GRXCR2: variants seen among roughly 807,000 people sequenced by gnomAD.
GRXCR2 encodes the protein glutaredoxin domain-containing cysteine-rich protein 2.
Under a neutral mutation model 24.8 loss-of-function variants are expected in GRXCR2, and 23 were observed. That is an observed-to-expected ratio of 0.93 (90% confidence interval 0.67 to 1.32). The LOEUF is 1.32. Ranked by LOEUF, GRXCR2 falls within the 40% of genes most tolerant of loss-of-function variation. The pLI, the probability that GRXCR2 is intolerant of heterozygous loss-of-function variation, is 0.00. For missense variants in GRXCR2, 315 were observed against 303.4 expected (o/e 1.04, Z -0.28); for synonymous variants, 130 against 116.1 (o/e 1.12, Z -0.77).
intron 2 of GRXCR2, among the ~76,000 whole-genome samples, chr5:145,910,010 C>T (rs895219416): frequency 3.3e-5 from 5 of 152,148 alleles, no homozygotes; most frequent in Non-Finnish European, 7.4e-5. Flanking sequence ...ACGAGATTCC[C>T]ATTGCTCTTA....
chr5:145,864,671 C>T (rs1306519883), intron 2 of GRXCR2, among the ~76,000 whole-genome samples: 1 of 152,086 alleles, frequency 6.6e-6, no homozygotes, highest in Non-Finnish European at 1.5e-5. Context: ...TGCCTTGCTT[C>T]CCCTTCACCT....
At chr5:145,889,252 C>T (rs764070526) in intron 2 of GRXCR2, among the ~76,000 whole-genome samples, 1 of 135,186 alleles carries the variant, frequency 7.4e-6, no homozygotes, top group Non-Finnish European at 1.6e-5. Flanking sequence ...AAGAATTATG[C>T]AATGGACTCT....
chr5:145,865,970 T>C (rs1404793206), intron 2 of GRXCR2, among the ~76,000 whole-genome samples: 2 of 130,812 alleles, frequency 1.5e-5, no homozygotes, highest in African/African-American at 6.1e-5. Context: ...AAACCCCATC[T>C]CTATTAAAAA....
Position 145,872,782 on chromosome 5 carries a change from C to T in GRXCR2, c.187G>A (p.Gly63Ser). Residue 63 changes from glycine (G) to serine (S), a missense_variant, in exon 1 of 3, where the codon GGT (glycine) becomes AGT (serine). By Grantham distance (56) the Gly-to-Ser change is moderately conservative (BLOSUM62 0). Transcript: ENST00000377976. Reference protein sequence around the residue: ...FLQESLETMDGVYGSGEVPRP... With the variant: ...FLQESLETMDSVYGSGEVPRP... The stretch of plus-strand genomic sequence containing the variant: ...GGGACTTCCCCAGACCCATAAACAC[C>T]ATCCATTGTTTCAAGAGACTCTTGC... The T allele has an allele frequency of 6.2e-7, 1 of 1,614,180 alleles. No individual in the cohort carries two copies. The highest frequency in any genetic ancestry group is 8.5e-7 in the Non-Finnish European group (1 of 1,180,018).
chr5:145,918,676 C>T (rs1486664433), intron 2 of GRXCR2, among the ~76,000 whole-genome samples: 1 of 152,180 alleles, frequency 6.6e-6, no homozygotes, highest in African/African-American at 2.4e-5. Context: ...TTCACCTGCT[C>T]CCACCTGTGT....
intron 2 of GRXCR2, among the ~76,000 whole-genome samples, chr5:145,907,487 C>T (rs1757108581): frequency 6.6e-6 from 1 of 151,864 alleles, no homozygotes; most frequent in Non-Finnish European, 1.5e-5. Flanking sequence ...TGAGATCGTG[C>T]CACTGCACTC....
At chr5:145,885,211 T>C (rs749028204) in intron 2 of GRXCR2, among the ~76,000 whole-genome samples, 1 of 152,104 alleles carries the variant, frequency 6.6e-6, no homozygotes, top group South Asian at 2.1e-4. Context: ...TTATAGTTAT[T>C]GATCATTTGT....
chr5:145,865,467 T>A (rs1366987981), intron 2 of GRXCR2, among the ~76,000 whole-genome samples: 1 of 152,238 alleles, frequency 6.6e-6, no homozygotes, highest in Admixed American at 6.5e-5. Flanking sequence ...TATTTACTTT[T>A]TATCTACAAT....
intron 2 of GRXCR2, among the ~76,000 whole-genome samples, chr5:145,887,125 T>G (rs944776454): frequency 2.6e-5 from 4 of 152,252 alleles, no homozygotes; most frequent in African/African-American, 9.6e-5. Flanking sequence ...AGACAGGATC[T>G]CACTCTGTTG....
intron 2 of GRXCR2, among the ~76,000 whole-genome samples, chr5:145,896,431 T>C (rs1437802084): frequency 6.6e-6 from 1 of 151,932 alleles, no homozygotes; most frequent in Non-Finnish European, 1.5e-5. Flanking sequence ...CAAAAAAATG[T>C]ACAAGAAAAA....
chr5:145,874,448 T>G (rs894022164), upstream of GRXCR2, among the ~76,000 whole-genome samples: 2 of 152,128 alleles, frequency 1.3e-5, no homozygotes, highest in Non-Finnish European at 2.9e-5. Flanking sequence ...GTGATCCGCC[T>G]GCCTTGACCT....
At chr5:145,910,673 G>T (rs557538310) in intron 2 of GRXCR2, among the ~76,000 whole-genome samples, 1 of 152,096 alleles carries the variant, frequency 6.6e-6, no homozygotes, top group South Asian at 2.1e-4. Flanking sequence ...ACTGTCATGG[G>T]GAAGACAACA....
intron 1 of GRXCR2, among the ~76,000 whole-genome samples, chr5:145,871,662 A>G (rs760837381): frequency 1.3e-5 from 2 of 152,216 alleles, no homozygotes; most frequent in Non-Finnish European, 2.9e-5. Flanking sequence ...GAACATGCCC[A>G]TAATTATACT....
chr5:145,917,203 C>A (rs952677603), intron 2 of GRXCR2, among the ~76,000 whole-genome samples: 1 of 151,946 alleles, frequency 6.6e-6, no homozygotes, highest in Non-Finnish European at 1.5e-5. Flanking sequence ...ACTCGCCCCC[C>A]GAGATTAATT....
intron 1 of GRXCR2, among the ~76,000 whole-genome samples, chr5:145,869,076 C>G (rs1756482042): frequency 6.6e-6 from 1 of 152,206 alleles, no homozygotes; most frequent in African/African-American, 2.4e-5. Context: ...GATTATTGAT[C>G]AGGCACTATT....
intron 2 of GRXCR2, among the ~76,000 whole-genome samples, chr5:145,897,246 G>C (rs1280665523): frequency 9.7e-6 from 1 of 103,572 alleles, no homozygotes; most frequent in Non-Finnish European, 1.9e-5. Flanking sequence ...CCTGTTGTTT[G>C]TTACATACAT....
In GRXCR2 at chr5:145,889,180, G is replaced by A. The variant is rs531075461; in HGVS notation, c.-69-22452C>T. ...CGAGACTCTGTCTCAAAAAAAGAAAGAAAGAAAGAAAGAAAGAAAGAAAGA... is the reference window on the plus strand; with the variant it reads ...CGAGACTCTGTCTCAAAAAAAGAAAAAAAGAAAGAAAGAAAGAAAGAAAGA... On this transcript the variant is annotated intron_variant, in intron 2 of 3. Transcript: ENST00000639411. Among the ~76,000 whole-genome samples the A allele has an allele frequency of 8.5e-3, 809 of 95,684 alleles. 10 individuals are homozygous for A. The highest frequency in any genetic ancestry group is 0.016 in the South Asian group (44 of 2,824). The allele number at this position is 95,684 out of a possible 152,430, so 62.8% of individuals were successfully genotyped here. A position where few individuals can be genotyped will look rare whatever the true frequency, so the allele number is the denominator to read the frequency against.
At chr5:145,880,406 T>C (rs1280408984) in intron 2 of GRXCR2, among the ~76,000 whole-genome samples, 1 of 152,078 alleles carries the variant, frequency 6.6e-6, no homozygotes. Flanking sequence ...CATCAGAAAA[T>C]ACCATAAACA....
chr5:145,884,389 T>C lies in GRXCR2; in HGVS notation c.-69-17661A>G, dbSNP rs574658241. Among the ~76,000 whole-genome samples, 31 of 152,248 alleles carry C rather than the reference T, an allele frequency of 2.0e-4. 1 individual carries two copies. The highest frequency in any genetic ancestry group is 7.2e-4 in the African/African-American group (30 of 41,552). On this transcript the variant is annotated intron_variant, in intron 2 of 3. Transcript: ENST00000639411. ...CAGTATATCAACCTAGATTTCTTCCTGGGGAAATTTTACTCTAGGGTTGGT... is the reference window on the plus strand; with the variant it reads ...CAGTATATCAACCTAGATTTCTTCCCGGGGAAATTTTACTCTAGGGTTGGT...
Sources: allele counts gnomAD v4.1 joint callset (sites outside exome capture counted in the v4.1 genomes callset), GRCh38; gene constraint gnomAD v4.1.1; transcripts MANE v1.5; gene names NCBI Gene and HGNC (gene_info 2026-07-23, HGNC 2026-07-21).